CNTN3: variants seen among roughly 807,000 people sequenced by gnomAD.
CNTN3 encodes contactin 3.
CNTN3 carries 60 observed loss-of-function variants against 119.1 expected under a neutral mutation model. That is an observed-to-expected ratio of 0.50 (90% CI 0.41 to 0.62). The LOEUF (loss-of-function observed/expected upper bound fraction) is 0.62. CNTN3 is among the 20% of genes least tolerant of loss of function. The probability of loss-of-function intolerance (pLI) is 0.00; values close to 1 mark genes in which losing one functional copy is unlikely to be tolerated. For synonymous variants in CNTN3, 450 were observed against 438.7 expected (o/e 1.03, Z -0.32); for missense variants, 1,101 against 1,242.4 (o/e 0.89, Z 1.71).
At chr3:74,288,042 T>C (rs1350048925) in intron 19 of CNTN3, among the ~76,000 whole-genome samples, 4 of 152,218 alleles carry the variant, frequency 2.6e-5, no homozygotes, top group African/African-American at 9.6e-5. Flanking sequence ...CAGTGAATTC[T>C]TTGCCCGATT....
chr3:74,411,783 T>G, intron 5 of CNTN3, among the ~76,000 whole-genome samples: 1 of 152,264 alleles, frequency 6.6e-6, no homozygotes, highest in African/African-American at 2.4e-5. Flanking sequence ...TAGATAGTCT[T>G]GCCAGGAAGG....
At chr3:74,285,237 T>C (rs995736518) in intron 20 of CNTN3, 68 bp downstream of exon 20, 1 of 1,453,918 alleles carries the variant, frequency 6.9e-7, no homozygotes, top group Non-Finnish European at 9.3e-7. Context: ...TTTCAAATAA[T>C]AGAGAAGGCT....
intron 20 of CNTN3, among the ~76,000 whole-genome samples, chr3:74,270,038 A>T (rs1172906854): frequency 6.6e-6 from 1 of 152,126 alleles, no homozygotes; most frequent in Non-Finnish European, 1.5e-5. Flanking sequence ...TGAAAGGTTT[A>T]AAAAAGCTTG....
chr3:74,604,383 G>A (rs1401192595), intron 1 of CNTN3, among the ~76,000 whole-genome samples: 1 of 152,038 alleles, frequency 6.6e-6, no homozygotes, highest in Non-Finnish European at 1.5e-5. Flanking sequence ...ACAATCCATG[G>A]ACTAGAGAAA....
intron 5 of CNTN3, among the ~76,000 whole-genome samples, chr3:74,409,912 T>C (rs1023465396): frequency 1.3e-5 from 2 of 152,212 alleles, no homozygotes. Flanking sequence ...TTTCTTTCAA[T>C]TTTGTTGAAG....
At chr3:74,540,788 A>G (rs559030489) in intron 1 of CNTN3, among the ~76,000 whole-genome samples, 1 of 152,322 alleles carries the variant, frequency 6.6e-6, no homozygotes, top group Non-Finnish European at 1.5e-5. Context: ...TATGCAAAAA[A>G]TAAATTAGAA....
chr3:74,613,564 T>C (rs1490195920), intron 1 of CNTN3, among the ~76,000 whole-genome samples: 5 of 152,152 alleles, frequency 3.3e-5, no homozygotes, highest in South Asian at 2.1e-4. Flanking sequence ...CTCCTTGTTG[T>C]AAATCAATAA....
At chr3:74,435,262 C>T (rs530124446) in intron 4 of CNTN3, among the ~76,000 whole-genome samples, 1 of 152,250 alleles carries the variant, frequency 6.6e-6, no homozygotes, top group Admixed American at 6.5e-5. Context: ...GTAACCTCTC[C>T]CTTCCAGGCT....
chr3:74,390,591 A>G (rs1043720322), intron 5 of CNTN3, among the ~76,000 whole-genome samples: 6 of 152,158 alleles, frequency 3.9e-5, no homozygotes, highest in African/African-American at 1.4e-4. Context: ...ACAGAAGGTA[A>G]GCAGTCCTTA....
Position 74,601,054 on chromosome 3 carries a change from TATATA to T in CNTN3, c.-81+13332_-81+13336del, listed in dbSNP as rs368452147. Among the ~76,000 whole-genome samples the T allele has an allele frequency of 3.7e-4, 55 of 149,526 alleles. 1 individual carries two copies. The East Asian group carries it at 5.0e-3, about 14-fold the overall frequency. The stretch of plus-strand genomic sequence containing the variant: ...CATATGTATATCATATATATTTACA[TATATA>T]ATATATGTCCTATATTTTTATATTT... On this transcript the variant is annotated intron_variant, in intron 1 of 22. Coordinates refer to ENST00000263665, the MANE Select transcript of CNTN3 (RefSeq NM_020872.3).
intron 1 of CNTN3, among the ~76,000 whole-genome samples, chr3:74,534,354 AT>A (rs574260541): frequency 2.4e-4 from 37 of 151,832 alleles, no homozygotes; most frequent in African/African-American, 5.5e-4. Context: ...CCACTTTATT[AT>A]TTTTTTTCAT....
chr3:74,596,587 A>G (rs1704814337), intron 1 of CNTN3, among the ~76,000 whole-genome samples: 1 of 152,168 alleles, frequency 6.6e-6, no homozygotes, highest in Non-Finnish European at 1.5e-5. Context: ...GAAACAGGGA[A>G]AGGATTCCCT....
intron 1 of CNTN3, among the ~76,000 whole-genome samples, chr3:74,579,053 A>G (rs1488334083): frequency 1.3e-5 from 2 of 152,076 alleles, no homozygotes; most frequent in Non-Finnish European, 2.9e-5. Context: ...CTTGAAAAAA[A>G]AGAGGTTGAA....
intron 1 of CNTN3, among the ~76,000 whole-genome samples, chr3:74,592,780 A>C (rs1156494172): frequency 6.6e-6 from 1 of 151,994 alleles, no homozygotes. Context: ...TAAAAACCTT[A>C]AACAAAACTT....
chr3:74,487,311 T>C (rs1399295736), intron 3 of CNTN3, among the ~76,000 whole-genome samples: 1 of 152,144 alleles, frequency 6.6e-6, no homozygotes, highest in Non-Finnish European at 1.5e-5. Flanking sequence ...TGAAAGTTTT[T>C]AAACAGTAAG....
chr3:74,491,067 G>A (rs898730229), intron 3 of CNTN3, among the ~76,000 whole-genome samples: 1 of 152,156 alleles, frequency 6.6e-6, no homozygotes, highest in Non-Finnish European at 1.5e-5. Flanking sequence ...AAATGTGCAA[G>A]TAATCTCTGG....
chr3:74,574,264 A>G (rs1704379049), intron 1 of CNTN3, among the ~76,000 whole-genome samples: 1 of 152,172 alleles, frequency 6.6e-6, no homozygotes, highest in Admixed American at 6.5e-5. Context: ...CAGAAGGTAG[A>G]TTAGTACTTA....
chr3:74,285,553 G>C (rs1432332189), intron 19 of CNTN3, 62 bp from the exon 20 acceptor site: 1 of 1,481,840 alleles, frequency 6.7e-7, no homozygotes, highest in African/African-American at 1.4e-5. Flanking sequence ...TCCATTAAGT[G>C]ATTTTCATTA....
At chr3:74,405,617 G>T in intron 5 of CNTN3, among the ~76,000 whole-genome samples, 1 of 151,944 alleles carries the variant, frequency 6.6e-6, no homozygotes, top group East Asian at 1.9e-4. Context: ...GGGAAAAATT[G>T]TTATCTTTAC....
Sources: allele counts gnomAD v4.1 joint callset (sites outside exome capture counted in the v4.1 genomes callset), GRCh38; gene constraint gnomAD v4.1.1; transcripts MANE v1.5; gene names NCBI Gene and HGNC (gene_info 2026-07-23, HGNC 2026-07-21).